AHSG: variants seen among roughly 807,000 people sequenced by gnomAD.
AHSG encodes alpha-2-HS-glycoprotein.
AHSG carries 23 observed loss-of-function variants against 30.1 expected under a neutral mutation model. The ratio of observed to expected loss-of-function variants is 0.76; its 90% CI spans 0.55 to 1.08. The LOEUF is 1.08. Ranked by LOEUF, AHSG falls within the 50% of genes least tolerant of loss-of-function variation. AHSG has a pLI of 0.00. For synonymous variants in AHSG, 164 were observed against 186.3 expected (o/e 0.88, Z 0.98); for missense variants, 469 against 459.5 (o/e 1.02, Z -0.19).
In AHSG at chr3:186,620,776, G is replaced by T. The variant is rs201849460; in HGVS notation, c.950G>T (p.Arg317Leu). 1.2e-6 allele frequency: 2 copies of T among 1,614,152 alleles called. No individual in the cohort carries two copies. Among genetic ancestry groups the T allele is most frequent in the African/African-American group, 2.7e-5 (2 of 75,032 alleles). ...TTGCACCGGGCGCACTACGACCTGC[G>T]CCACACCTTCATGGGTGTGGTCTCA... ...HQLHRAHYDL[R>L]HTFMGVVSLG... Residue 317 changes from arginine (R) to leucine (L), a missense_variant, in exon 7 of 7, where the codon CGC becomes CTC. Coordinates refer to ENST00000411641, the MANE Select transcript of AHSG (RefSeq NM_001622.4).
At chr3:186,613,429 T>C in intron 1 of AHSG, 75 bp downstream of exon 1, 3 of 1,329,746 alleles carry the variant, frequency 2.3e-6, no homozygotes, top group African/African-American at 1.5e-5. Context: ...AAAATCACCA[T>C]CACCCAGTGC....
At position 186,620,635 on chromosome 3, in the gene AHSG, CACCCGTGGTGG is replaced by C; in HGVS notation, c.814_824del (p.Val272ArgfsTer71). On this transcript the variant is annotated frameshift_variant, in exon 7 of 7. Coordinates refer to ENST00000411641, the MANE Select transcript of AHSG (RefSeq NM_001622.4). LOFTEE classifies it low-confidence loss of function (END_TRUNC). ...GAAGGTGCCAATGAAGCAGTCCCCA[CACCCGTGGTGG>C]ACCCAGATGCACCTCCGTCCCCTCC... 1 of 1,613,382 alleles carries C rather than the reference CACCCGTGGTGG, an allele frequency of 6.2e-7. No homozygotes were observed. Among genetic ancestry groups the C allele is most frequent in the Non-Finnish European group, 8.5e-7 (1 of 1,179,438 alleles).
In AHSG at chr3:186,615,793, C is replaced by T. The variant is rs1716284187; in HGVS notation, c.322C>T (p.His108Tyr). The T allele has an allele frequency of 6.2e-7, 1 of 1,613,442 alleles. No individual in the cohort carries two copies. The highest frequency in any genetic ancestry group is 1.3e-5 in the African/African-American group (1 of 74,936). ...ARCSVRQLKE[H>Y]AVEGDCDFQL... ...ATGCAGCGTGAGGCAGCTGAAGGAG[C>T]ATGTGAGTACCCTTCTTAGGATGAC... Residue 108 changes from histidine to tyrosine, a missense_variant and splice_region_variant, in exon 2 of 7, where the codon CAT (histidine) becomes TAT (tyrosine). Transcript: ENST00000411641.
chr3:186,619,755 A>C, intron 5 of AHSG, 102 bp from the exon 6 acceptor site: 2 of 855,408 alleles, frequency 2.3e-6, no homozygotes, highest in Non-Finnish European at 3.7e-6. Flanking sequence ...TAACTTTAAG[A>C]AAAATGGTTT....
chr3:186,619,813 A>C lies in AHSG; in HGVS notation c.676-44A>C, dbSNP rs541740551. Reference sequence around the variant, plus strand: ...GCGTCAATGAAATTGGGGGGGATCCATTTTTGAAATTAGTTAAAATAAATC... The same window carrying C: ...GCGTCAATGAAATTGGGGGGGATCCCTTTTTGAAATTAGTTAAAATAAATC... On this transcript the variant is annotated intron_variant, in intron 5 of 6. Transcript: ENST00000411641. The C allele has an allele frequency of 2.6e-6, 4 of 1,518,048 alleles. No individual in the cohort carries two copies. In the African/African-American group the frequency reaches 4.2e-5, roughly 16 times the overall value. The allele number at this position is 1,518,048 out of a possible 1,614,324, so 94.0% of individuals were successfully genotyped here.
At chr3:186,619,789 C>T (rs1716419988) in intron 5 of AHSG, 68 bp from the exon 6 acceptor site, 28 of 1,287,446 alleles carry the variant, frequency 2.2e-5, no homozygotes, top group Non-Finnish European at 2.7e-5. Context: ...AAGGTTGGCG[C>T]GTCAATGAAA....
intron 3 of AHSG, 27 bp from the exon 4 acceptor site, chr3:186,617,160 A>G (rs747611395): frequency 6.3e-7 from 1 of 1,591,826 alleles, no homozygotes; most frequent in Non-Finnish European, 8.6e-7. Flanking sequence ...ATGGCTGCCC[A>G]CATCCTGGTT....
At position 186,618,623 on chromosome 3, in the gene AHSG, C is replaced by T. The variant is rs1338273673; in HGVS notation, c.661C>T (p.Leu221=). The change falls in exon 5 of 7, where the codon CTG becomes TTG. Residue 221 remains leucine, a synonymous_variant. Coordinates refer to ENST00000411641, the MANE Select transcript of AHSG (RefSeq NM_001622.4). ...GGCCACAGAGGCAGCCAAGTGTAAC[C>T]TGCTGGCAGAAAAGGTGAGTGGGCC... ...KEATEAAKCN[L]LAEKQYGFCK... The T allele has an allele frequency of 6.2e-7, 1 of 1,613,978 alleles. No individual in the cohort carries two copies. Among genetic ancestry groups the T allele is most frequent in the Non-Finnish European group, 8.5e-7 (1 of 1,179,978 alleles).
rs1335373803 is a variant in AHSG at position 186,620,601 on chromosome 3, C to A, written c.775C>A (p.Pro259Thr). 3.1e-6 allele frequency: 5 copies of A among 1,602,850 alleles called. No homozygotes were observed. In the African/African-American group the frequency reaches 5.4e-5, roughly 17 times the overall value. ...CTTTTTCCAGCCCGTGAGCTCACAGCCCCAACCAGAAGGTGCCAATGAAGC... is the reference window on the plus strand; with the variant it reads ...CTTTTTCCAGCCCGTGAGCTCACAGACCCAACCAGAAGGTGCCAATGAAGC... ...VFQTQPVSSQ[P>T]QPEGANEAVP... The change falls in exon 7 of 7, where the codon CCC becomes ACC. Residue 259 changes from proline to threonine, a missense_variant. By Grantham distance (38) the Pro-to-Thr change is conservative. Coordinates refer to ENST00000411641, the MANE Select transcript of AHSG (RefSeq NM_001622.4).
At position 186,613,073 on chromosome 3, in the gene AHSG, C is replaced by A; in HGVS notation, c.-69C>A. 2 of 1,427,818 alleles carry A rather than the reference C, an allele frequency of 1.4e-6. No homozygotes were observed. The highest frequency in any genetic ancestry group is 2.0e-6 in the Non-Finnish European group (2 of 1,020,900). The allele number at this position is 1,427,818 out of a possible 1,614,324, so 88.4% of individuals were successfully genotyped here. A position where few individuals can be genotyped will look rare whatever the true frequency, so the allele number is the denominator to read the frequency against. Reference sequence around the variant, plus strand: ...CCCTCCATGGGTCTACCTTTCCCAGCAGAGCACCTGGGTTGGTCCCGAAGC... The same window carrying A: ...CCCTCCATGGGTCTACCTTTCCCAGAAGAGCACCTGGGTTGGTCCCGAAGC... On this transcript the variant is annotated 5_prime_UTR_variant, in exon 1 of 7. Coordinates refer to ENST00000411641, the MANE Select transcript of AHSG (RefSeq NM_001622.4).
Position 186,620,764 on chromosome 3 carries a change from A to C in AHSG, c.938A>C (p.His313Pro). Residue 313 changes from histidine to proline, a missense_variant, in exon 7 of 7, where the codon CAC becomes CCC. Physicochemically the swap from His to Pro is moderately conservative, Grantham distance 77. Coordinates refer to ENST00000411641, the MANE Select transcript of AHSG (RefSeq NM_001622.4). ...APPGHQLHRA[H>P]YDLRHTFMGV... ...CCAGGACACCAGTTGCACCGGGCGC[A>C]CTACGACCTGCGCCACACCTTCATG... 1.2e-6 allele frequency: 2 copies of C among 1,614,136 alleles called. No homozygotes were observed. Among genetic ancestry groups the C allele is most frequent in the East Asian group, 2.2e-5 (1 of 44,864 alleles).
Position 186,615,894 on chromosome 3 carries a change from T to C in AHSG, c.324+99T>C. 6 of 1,113,358 alleles carry C rather than the reference T, an allele frequency of 5.4e-6. No individual in the cohort carries two copies. The South Asian group carries it at 7.9e-5, about 15-fold the overall frequency. 69.0% of individuals were successfully genotyped at this position (1,113,358 alleles called of 1,614,324 possible). A position where few individuals can be genotyped will look rare whatever the true frequency, so the allele number is the denominator to read the frequency against. ...GCCTTCTTGGCTAGCCAGGGTGCAGTTTCTAAAATTGCCATTTGTGGCCGA... is the reference window on the plus strand; with the variant it reads ...GCCTTCTTGGCTAGCCAGGGTGCAGCTTCTAAAATTGCCATTTGTGGCCGA... On this transcript the variant is annotated intron_variant, in intron 2 of 6. Transcript: ENST00000411641.
Position 186,616,510 on chromosome 3 carries a change from A to G in AHSG, c.392A>G (p.Lys131Arg). The stretch of plus-strand genomic sequence containing the variant: ...GGCAAGTTTTCCGTGGTATACGCAA[A>G]ATGTGATTCCAGTCCAGGTACAGAT... ...LDGKFSVVYAKCDSSPDSAED... is the reference protein window; with the variant it reads ...LDGKFSVVYARCDSSPDSAED... The change falls in exon 3 of 7, where the codon AAA (lysine) becomes AGA (arginine). Residue 131 changes from lysine (K) to arginine (R), a missense_variant. Physicochemically the swap from Lys to Arg is conservative, Grantham distance 26. Coordinates refer to ENST00000411641, the MANE Select transcript of AHSG (RefSeq NM_001622.4). 1.9e-6 allele frequency: 3 copies of G among 1,612,064 alleles called. No individual in the cohort carries two copies. Among genetic ancestry groups the G allele is most frequent in the Non-Finnish European group, 2.5e-6 (3 of 1,178,972 alleles).
Position 186,616,424 on chromosome 3 carries a change from C to G in AHSG, c.325-19C>G. On this transcript the variant is annotated intron_variant, in intron 2 of 6. Transcript: ENST00000411641. The stretch of plus-strand genomic sequence containing the variant: ...CGAAGGGGAAGGGCAGCCATCCTCA[C>G]GTGGGTTTCTTTCTCCAGGCTGTCG... 6.2e-7 allele frequency: 1 copy of G among 1,608,906 alleles called. No individual in the cohort carries two copies. Among genetic ancestry groups the G allele is most frequent in the Non-Finnish European group, 8.5e-7 (1 of 1,176,854 alleles).
Position 186,613,163 on chromosome 3 carries a change from C to A in AHSG, c.22C>A (p.Leu8Ile). Residue 8 changes from leucine (L) to isoleucine (I), a missense_variant, in exon 1 of 7, where the codon CTT becomes ATT. By Grantham distance (5) the Leu-to-Ile change is conservative. Coordinates refer to ENST00000411641, the MANE Select transcript of AHSG (RefSeq NM_001622.4). MKSLVLL[L>I]CLAQLWGCHS... ...AGCCATGAAGTCCCTCGTCCTGCTC[C>A]TTTGTCTTGCTCAGCTCTGGGGCTG... The A allele has an allele frequency of 6.2e-7, 1 of 1,614,102 alleles. No individual in the cohort carries two copies. The highest frequency in any genetic ancestry group is 1.1e-5 in the South Asian group (1 of 91,070).
intron 1 of AHSG, among the ~76,000 whole-genome samples, chr3:186,615,433 G>A (rs1323363583): frequency 6.6e-6 from 1 of 152,154 alleles, no homozygotes; most frequent in African/African-American, 2.4e-5. Flanking sequence ...TCAAGCCCAG[G>A]ACCCCGTCTG....
chr3:186,617,423 C>T (rs760002269), intron 4 of AHSG, 73 bp downstream of exon 4: 73 of 1,611,774 alleles, frequency 4.5e-5, no homozygotes, highest in Non-Finnish European at 5.9e-5. Context: ...CGTGGTGGAG[C>T]GGGAGGCAGG....
rs1339720367 is a variant in AHSG, at chr3:186,618,715, A to T, written c.675+78A>T. Reference sequence around the variant, plus strand: ...AACAGAACATCCTTGGATAGTTTGTATCTTGGGGCTGCAGACAGAGAATAA... The same window carrying T: ...AACAGAACATCCTTGGATAGTTTGTTTCTTGGGGCTGCAGACAGAGAATAA... On this transcript the variant is annotated intron_variant, in intron 5 of 6. Transcript: ENST00000411641. 3.2e-6 allele frequency: 5 copies of T among 1,554,576 alleles called. No homozygotes were observed. In the African/African-American group the frequency reaches 6.8e-5, roughly 21 times the overall value.
At chr3:186,615,982 G>A (rs1221559407) in intron 2 of AHSG, among the ~76,000 whole-genome samples, 187 bp downstream of exon 2, 1 of 152,134 alleles carries the variant, frequency 6.6e-6, no homozygotes, top group African/African-American at 2.4e-5. Flanking sequence ...GATCGCCTGA[G>A]GTCAGGAGTT....
Sources: allele counts gnomAD v4.1 joint callset (sites outside exome capture counted in the v4.1 genomes callset), GRCh38; gene constraint gnomAD v4.1.1; transcripts MANE v1.5; gene names NCBI Gene and HGNC (gene_info 2026-07-23, HGNC 2026-07-21).